The following CHD1 variants were observed in gnomAD, a reference collection of about 807,000 sequenced individuals.
CHD1 encodes the protein chromodomain helicase DNA binding protein 1, also known as ATP-dependent chromatin remodeler CHD1.
A neutral mutation model predicts 224.2 loss-of-function variants in CHD1; 36 were observed. That is an observed-to-expected ratio of 0.16 (90% CI 0.12 to 0.21). CHD1 has a LOEUF of 0.21. CHD1 is among the 10% of genes least tolerant of loss of function. CHD1 has a pLI of 1.00. For missense variants in CHD1, 1,378 were observed against 1,994.8 expected (o/e 0.69, Z 5.89); for synonymous variants, 668 against 658.3 (o/e 1.01, Z -0.23).
At chr5:98,889,382 G>T (rs1037957429) in intron 15 of CHD1, 144 bp from the exon 16 acceptor site, 3 of 564,976 alleles carry the variant, frequency 5.3e-6, no homozygotes, top group Admixed American at 6.4e-5. Flanking sequence ...TATATACAAC[G>T]GACCAAACCT....
At chr5:98,861,282 T>G (rs1748448148) in intron 32 of CHD1, among the ~76,000 whole-genome samples, 1 of 152,170 alleles carries the variant, frequency 6.6e-6, no homozygotes, top group Non-Finnish European at 1.5e-5. Flanking sequence ...ACAATACTAT[T>G]AAAAGGATCA....
intron 15 of CHD1, among the ~76,000 whole-genome samples, chr5:98,890,292 T>C (rs939885161): frequency 6.6e-6 from 1 of 152,226 alleles, no homozygotes; most frequent in Non-Finnish European, 1.5e-5. Context: ...CTAGTGTACA[T>C]ACTCTTTTAT....
At chr5:98,909,375 G>A (rs1022667754) in intron 2 of CHD1, among the ~76,000 whole-genome samples, 2 of 152,064 alleles carry the variant, frequency 1.3e-5, no homozygotes, top group African/African-American at 2.4e-5. Flanking sequence ...TAGTTTATAC[G>A]TGGTGTTGTG....
rs759148663 is a variant in CHD1, at chr5:98,863,451, G to A, written c.4384C>T (p.Leu1462=). ...TGTTCAGGATTTGTATACTCTTTTA[G>A]ACATTCTGTGATATGGTCTCCAATT... ...IKIGDHITEC[L]KEYTNPEQIK... The change falls in exon 32 of 36, where the codon CTA becomes TTA. Residue 1462 remains leucine (L), a synonymous_variant. Coordinates refer to ENST00000614616, the MANE Select transcript of CHD1 (RefSeq NM_001270.4). The A allele has an allele frequency of 1.2e-6, 2 of 1,600,516 alleles. No individual in the cohort carries two copies. The highest frequency in any genetic ancestry group is 1.7e-6 in the Non-Finnish European group (2 of 1,173,520).
intron 2 of CHD1, among the ~76,000 whole-genome samples, chr5:98,924,442 A>C (rs981862307): frequency 1.3e-5 from 2 of 152,222 alleles, no homozygotes; most frequent in Non-Finnish European, 2.9e-5. Context: ...GCACTTTGTA[A>C]TTAATTAAAA....
At chr5:98,898,788 T>G in intron 8 of CHD1, 24 bp from the exon 9 acceptor site, 2 of 1,291,642 alleles carry the variant, frequency 1.5e-6, no homozygotes, top group Non-Finnish European at 2.2e-6. Flanking sequence ...AATCCAGGAA[T>G]AGACTTAAAA....
At chr5:98,898,540 G>C in intron 9 of CHD1, 106 bp from the exon 10 acceptor site, 1 of 1,229,294 alleles carries the variant, frequency 8.1e-7, no homozygotes, top group Non-Finnish European at 1.1e-6. Flanking sequence ...TAGCTATCTA[G>C]TTTACAATAC....
rs979292956 is a variant in CHD1, at chr5:98,874,089, T to C, written c.3441-366A>G. ...TAACTTTTTATTACTGTGCACCAAA[T>C]AGATATGAATGATTAATACTCAAGA... On this transcript the variant is annotated intron_variant, in intron 25 of 35. Transcript: ENST00000614616. 7.3e-5 allele frequency among the ~76,000 whole-genome samples: 6 copies of C among 81,880 alleles called. No individual in the cohort carries two copies. The African/African-American group carries it at 8.1e-4, about 11-fold the overall frequency. 53.7% of individuals were successfully genotyped at this position (81,880 alleles called of 152,430 possible). A position where few individuals can be genotyped will look rare whatever the true frequency, so the allele number is the denominator to read the frequency against.
In CHD1 at chr5:98,903,863, T is replaced by C. The variant is rs774781263; in HGVS notation, c.301A>G (p.Ile101Val). The C allele has an allele frequency of 4.3e-6, 7 of 1,612,952 alleles. No individual in the cohort carries two copies. The highest frequency in any genetic ancestry group is 2.2e-5 in the East Asian group (1 of 44,826). Residue 101 changes from isoleucine to valine, a missense_variant, in exon 4 of 36, where the codon ATC (isoleucine) becomes GTC (valine). Transcript: ENST00000614616. Reference protein sequence around the residue: ...PSILAVQRSAILKKQQQQQQQ... With the variant: ...PSILAVQRSAVLKKQQQQQQQ... ...TGCTGCTGTTGCTGCTTCTTGAGGATTGCAGATCTCTGAACGGCCAGAATA... is the reference window on the plus strand; with the variant it reads ...TGCTGCTGTTGCTGCTTCTTGAGGACTGCAGATCTCTGAACGGCCAGAATA...
chr5:98,888,927 G>A (rs531456820), intron 16 of CHD1, 149 bp downstream of exon 16: 1 of 453,696 alleles, frequency 2.2e-6, no homozygotes, highest in East Asian at 3.3e-5. Flanking sequence ...TTTCTACAAA[G>A]ATTAATAACT....
intron 2 of CHD1, among the ~76,000 whole-genome samples, chr5:98,918,221 C>A (rs1290180488): frequency 6.6e-6 from 1 of 151,692 alleles, no homozygotes; most frequent in Non-Finnish European, 1.5e-5. Context: ...ACACGCCCAG[C>A]TAATTTTTTT....
intron 2 of CHD1, among the ~76,000 whole-genome samples, chr5:98,919,167 C>G (rs1197553912): frequency 6.6e-6 from 1 of 152,138 alleles, no homozygotes; most frequent in Non-Finnish European, 1.5e-5. Context: ...AATGGAAATT[C>G]TGGCTCAGTA....
chr5:98,858,845 T>C (rs566334849), intron 34 of CHD1, 119 bp downstream of exon 34: 1 of 556,744 alleles, frequency 1.8e-6, no homozygotes, highest in East Asian at 3.3e-5. Flanking sequence ...CTCCTTAATA[T>C]AAAGGTACTT....
chr5:98,878,470 C>G (rs1019511087), intron 23 of CHD1, among the ~76,000 whole-genome samples: 2 of 152,150 alleles, frequency 1.3e-5, no homozygotes. Flanking sequence ...ACTCAGCAAT[C>G]AAGACAAAAA....
At chr5:98,898,845 T>C (rs1751508738) in intron 8 of CHD1, 81 bp from the exon 9 acceptor site, 1 of 763,952 alleles carries the variant, frequency 1.3e-6, no homozygotes. Context: ...ACACTATTTG[T>C]AGCACAAAAT....
intron 2 of CHD1, among the ~76,000 whole-genome samples, chr5:98,924,973 G>A (rs374514413): frequency 6.7e-6 from 1 of 149,136 alleles, no homozygotes; most frequent in African/African-American, 2.5e-5. Flanking sequence ...GCAAGACTCT[G>A]TCTCAAAAAA....
At chr5:98,927,417 G>C (rs1177009078) in intron 1 of CHD1, among the ~76,000 whole-genome samples, 1 of 152,148 alleles carries the variant, frequency 6.6e-6, no homozygotes. Flanking sequence ...ACTGAGAGCA[G>C]AGCTGTCCTC....
chr5:98,916,360 C>A (rs1752731498), intron 2 of CHD1, among the ~76,000 whole-genome samples: 1 of 150,992 alleles, frequency 6.6e-6, no homozygotes, highest in South Asian at 2.1e-4. Flanking sequence ...AGCCTGACCA[C>A]CATGGAGAAA....
At chr5:98,870,853 AAT>A in intron 28 of CHD1, 50 bp from the exon 29 acceptor site, 2 of 1,115,684 alleles carry the variant, frequency 1.8e-6, no homozygotes, top group Non-Finnish European at 2.7e-6. Flanking sequence ...TAACATGAGA[AAT>A]GTACTGGCTA....
Sources: allele counts gnomAD v4.1 joint callset (sites outside exome capture counted in the v4.1 genomes callset), GRCh38; gene constraint gnomAD v4.1.1; transcripts MANE v1.5; gene names NCBI Gene and HGNC (gene_info 2026-07-23, HGNC 2026-07-21).